The following PFKFB1 variants were observed in gnomAD, a reference collection of about 807,000 sequenced individuals.
PFKFB1 encodes 6-phosphofructo-2-kinase/fructose-2,6-biphosphatase 1.
A neutral mutation model predicts 46.4 loss-of-function variants in PFKFB1; 34 were observed. The ratio of observed to expected loss-of-function variants is 0.73; its 90% CI spans 0.56 to 0.98. The LOEUF is 0.98. Ranked by LOEUF, PFKFB1 falls within the 50% of genes least tolerant of loss-of-function variation. The probability of loss-of-function intolerance (pLI) is 0.00; values close to 1 mark genes in which losing one functional copy is unlikely to be tolerated. For missense variants in PFKFB1, 393 were observed against 376.3 expected, an observed-to-expected ratio of 1.04 and a Z score of -0.37; for synonymous variants, 119 against 133.8, an observed-to-expected ratio of 0.89 and a Z score of 0.76.
chrX:54,944,822 A>G (rs1268420949), intron 10 of PFKFB1, among the ~76,000 whole-genome samples: 1 of 112,409 alleles, frequency 8.9e-6, no homozygotes, highest in Admixed American at 9.4e-5. Context: ...GTATAACTGA[A>G]TAGAATATCT....
Position 54,994,126 on chromosome X carries a change from G to C in PFKFB1, c.-119C>G. The C allele has an allele frequency of 4.5e-6, 5 of 1,108,105 alleles. No individual in the cohort carries two copies. The highest frequency in any genetic ancestry group is 4.7e-6 in the Non-Finnish European group (4 of 846,087). 91.3% of individuals were successfully genotyped at this position (1,108,105 alleles called of 1,213,427 possible). A position where few individuals can be genotyped will look rare whatever the true frequency, so the allele number is the denominator to read the frequency against. On this transcript the variant is annotated 5_prime_UTR_variant, in exon 1 of 14. Coordinates refer to ENST00000375006, the MANE Select transcript of PFKFB1 (RefSeq NM_002625.4). Reference sequence around the variant, plus strand: ...CAGCAGGTGGACAGGGCTGGGACAGGGGGTGTACTGGGTTTCTGAGCCCTC... The same window carrying C: ...CAGCAGGTGGACAGGGCTGGGACAGCGGGTGTACTGGGTTTCTGAGCCCTC...
Position 54,937,616 on chromosome X carries a change from A to G in PFKFB1, c.1207T>C (p.Tyr403His). The change falls in exon 11 of 14, where the codon TAT (tyrosine) becomes CAT (histidine). Residue 403 changes from tyrosine (Y) to histidine (H), a missense_variant. Transcript: ENST00000375006. ...HQAVMRCLLA[Y>H]FLDKSSDELP... is the part of the protein sequence containing the mutation. ...GTACCTGAACTTTTATCCAGGAAAT[A>G]GGCCAGGAGGCACCGCATGACAGCC... The G allele has an allele frequency of 8.3e-7, 1 of 1,209,365 alleles. No individual in the cohort carries two copies.
At chrX:54,954,395 C>T (rs1464592600) in intron 7 of PFKFB1, among the ~76,000 whole-genome samples, 1 of 111,231 alleles carries the variant, frequency 9.0e-6, no homozygotes, top group Non-Finnish European at 1.9e-5. Context: ...CACCTGTAGT[C>T]CCAGCTACTC....
At chrX:54,998,604 A>G (rs1280493041), upstream of PFKFB1, 3 of 438,718 alleles carry the variant, frequency 6.8e-6, no homozygotes, top group African/African-American at 2.5e-5. Flanking sequence ...CAGCTGTTGT[A>G]GTTGCCAAAG....
chrX:54,935,081 C>T (rs1933342253), intron 11 of PFKFB1, 72 bp from the exon 12 acceptor site: 1 of 804,638 alleles, frequency 1.2e-6, no homozygotes, highest in African/African-American at 2.0e-5. Flanking sequence ...GGCCCCCAGG[C>T]TTGCTGGATG....
At chrX:54,989,850 T>G (rs1009010598) in intron 1 of PFKFB1, among the ~76,000 whole-genome samples, 1 of 112,020 alleles carries the variant, frequency 8.9e-6, no homozygotes, top group East Asian at 2.8e-4. Context: ...CTTTAGTTGC[T>G]AGATGATAAT....
chrX:54,938,728 C>A (rs899330197), intron 10 of PFKFB1, among the ~76,000 whole-genome samples: 22 of 111,586 alleles, frequency 2.0e-4, no homozygotes, highest in Non-Finnish European at 7.5e-5. Flanking sequence ...CAGGAGCACC[C>A]AGATTCATAA....
chrX:54,951,834 GCCA>G, intron 8 of PFKFB1, 68 bp downstream of exon 8: 1 of 904,271 alleles, frequency 1.1e-6, no homozygotes, highest in Non-Finnish European at 1.6e-6. Flanking sequence ...CCAGAATGTG[GCCA>G]CCACTACACC....
intron 10 of PFKFB1, among the ~76,000 whole-genome samples, chrX:54,941,847 G>C (rs1455250671): frequency 8.9e-6 from 1 of 111,953 alleles, no homozygotes; most frequent in East Asian, 2.8e-4. Flanking sequence ...TCTCCTCAGG[G>C]ATCTAGAACT....
intron 10 of PFKFB1, among the ~76,000 whole-genome samples, chrX:54,939,756 T>C (rs1933548322): frequency 9.0e-6 from 1 of 111,630 alleles, no homozygotes; most frequent in South Asian, 3.8e-4. Flanking sequence ...AATTAATAGC[T>C]TACCAACCAA....
At chrX:54,984,872 G>T (rs1209643632) in intron 1 of PFKFB1, among the ~76,000 whole-genome samples, 1 of 110,611 alleles carries the variant, frequency 9.0e-6, no homozygotes, top group Non-Finnish European at 1.9e-5. Flanking sequence ...TATATACCAG[G>T]TGCAATAGGC....
intron 3 of PFKFB1, 43 bp downstream of exon 3, chrX:54,960,781 C>T (rs1393659059): frequency 2.2e-6 from 2 of 902,321 alleles, no homozygotes; most frequent in Admixed American, 4.5e-5. Context: ...AAGGGCCTTT[C>T]AGCCATGAGA....
At chrX:54,958,412 G>T in intron 5 of PFKFB1, 50 bp from the exon 6 acceptor site, 1 of 803,531 alleles carries the variant, frequency 1.2e-6, no homozygotes, top group Non-Finnish European at 1.9e-6. Context: ...ATGTTTGGTA[G>T]GAGCTGAACA....
At chrX:54,982,224 A>G (rs1935013166) in intron 1 of PFKFB1, among the ~76,000 whole-genome samples, 1 of 112,075 alleles carries the variant, frequency 8.9e-6, no homozygotes, top group African/African-American at 3.2e-5. Flanking sequence ...AATTTTAAAC[A>G]ACATTTTCAA....
intron 3 of PFKFB1, 45 bp from the exon 4 acceptor site, chrX:54,959,938 G>A: frequency 1.1e-6 from 1 of 938,124 alleles, no homozygotes; most frequent in Non-Finnish European, 1.5e-6. Flanking sequence ...TTATCCCCCA[G>A]GATGGATTTC....
chrX:54,995,040 G>A (rs1273028283), upstream of PFKFB1: 2 of 138,534 alleles, frequency 1.4e-5, no homozygotes, highest in Non-Finnish European at 2.6e-5. Flanking sequence ...GGCTGCAGCA[G>A]GGAACAGAGA....
chrX:54,972,026 T>C (rs1362652639), intron 1 of PFKFB1, among the ~76,000 whole-genome samples: 4 of 111,378 alleles, frequency 3.6e-5, no homozygotes, highest in Non-Finnish European at 7.5e-5. Context: ...AGCAGTGGTT[T>C]GTAGTTCTCC....
intron 8 of PFKFB1, 104 bp downstream of exon 8, chrX:54,951,801 C>T: frequency 1.6e-6 from 1 of 630,127 alleles, no homozygotes; most frequent in Non-Finnish European, 2.5e-6. Flanking sequence ...CTCCCCCATC[C>T]CTGGGTCATT....
At chrX:54,950,241 C>T (rs1933931267) in intron 8 of PFKFB1, among the ~76,000 whole-genome samples, 4 of 112,306 alleles carry the variant, frequency 3.6e-5, no homozygotes, top group Non-Finnish European at 1.9e-5. Flanking sequence ...AGTCAGCGTG[C>T]TCTGGTGGAA....
Sources: gnomAD v4.1 joint callset for allele counts (sites outside exome capture counted in the v4.1 genomes callset) on GRCh38, gnomAD v4.1.1 for gene constraint, MANE v1.5 for transcripts, NCBI Gene and HGNC (gene_info 2026-07-23, HGNC 2026-07-21) for gene names.